The following LHFPL3 variants were observed in gnomAD, a reference collection of about 807,000 sequenced individuals.
LHFPL3 encodes the protein LHFPL tetraspan subfamily member 3.
LHFPL3 carries 5 observed loss-of-function variants against 19.3 expected under a neutral mutation model. That is an observed-to-expected ratio of 0.26 (90% CI 0.14 to 0.54). The LOEUF (loss-of-function observed/expected upper bound fraction) is 0.54, where lower values mean the gene tolerates loss of function less well. Ranked by LOEUF, LHFPL3 falls within the 20% of genes least tolerant of loss-of-function variation. The pLI is 0.94. For synonymous variants in LHFPL3, 133 were observed against 126.2 expected, an observed-to-expected ratio of 1.05 and a Z score of -0.36; for missense variants, 249 against 307.4, an observed-to-expected ratio of 0.81 and a Z score of 1.42.
intron 1 of LHFPL3, among the ~76,000 whole-genome samples, chr7:104,665,933 C>G (rs1158805728): frequency 6.6e-6 from 1 of 152,104 alleles, no homozygotes; most frequent in Non-Finnish European, 1.5e-5. Context: ...TGTTCTCCCC[C>G]TGGGCTTAAA....
intron 1 of LHFPL3, among the ~76,000 whole-genome samples, chr7:104,411,093 C>T (rs1031222000): frequency 5.3e-5 from 8 of 152,104 alleles, no homozygotes; most frequent in African/African-American, 1.2e-4. Context: ...TTTCAGTGAG[C>T]GTATTTTAAT....
chr7:104,639,421 T>A lies in LHFPL3; in HGVS notation c.446-97254T>A, dbSNP rs146366927. On this transcript the variant is annotated intron_variant, in intron 1 of 2. Transcript: ENST00000424859. ...TGTATTTCTGTGGAGTCAGTGGTAA[T>A]GTCCCCTTTGTCATTTCTAATTGTG... Among the ~76,000 whole-genome samples the A allele has an allele frequency of 2.1e-3, 323 of 152,306 alleles. 2 individuals are homozygous for A. The highest frequency in any genetic ancestry group is 7.6e-3 in the African/African-American group (317 of 41,572).
chr7:104,689,465 T>C (rs905613171), intron 1 of LHFPL3, among the ~76,000 whole-genome samples: 2 of 152,122 alleles, frequency 1.3e-5, no homozygotes, highest in African/African-American at 4.8e-5. Flanking sequence ...AAAGACTAAT[T>C]TGAATTATAA....
intron 1 of LHFPL3, among the ~76,000 whole-genome samples, chr7:104,603,118 CTTT>C (rs1562947502): frequency 0.011 from 1,444 of 126,398 alleles, 20 homozygotes; most frequent in African/African-American, 0.041. Context: ...TTCTTTCTTT[CTTT>C]CTTTCTTTCT....
At chr7:104,627,441 T>C (rs1449068729) in intron 1 of LHFPL3, among the ~76,000 whole-genome samples, 3 of 152,222 alleles carry the variant, frequency 2.0e-5, no homozygotes, top group East Asian at 1.9e-4. Context: ...TGAAACAAAC[T>C]GATCTTTCCT....
chr7:104,791,285 A>C (rs886980445), intron 2 of LHFPL3, among the ~76,000 whole-genome samples: 6 of 152,248 alleles, frequency 3.9e-5, no homozygotes, highest in Non-Finnish European at 7.3e-5. Flanking sequence ...CAAAAGGCTG[A>C]GAACAAAGCC....
chr7:104,588,438 A>T (rs1790631559), intron 1 of LHFPL3, among the ~76,000 whole-genome samples: 2 of 152,038 alleles, frequency 1.3e-5, no homozygotes, highest in African/African-American at 4.8e-5. Context: ...GATGTGTGGT[A>T]TTATTTCTGA....
intron 1 of LHFPL3, among the ~76,000 whole-genome samples, chr7:104,655,291 C>G (rs1310591860): frequency 6.6e-6 from 1 of 152,178 alleles, no homozygotes. Flanking sequence ...GCAAGCATAG[C>G]TGGCATCCTA....
intron 1 of LHFPL3, among the ~76,000 whole-genome samples, chr7:104,699,200 A>G (rs1205428296): frequency 6.6e-6 from 1 of 152,258 alleles, no homozygotes; most frequent in Non-Finnish European, 1.5e-5. Context: ...TATGTATCCA[A>G]AAGAAGTGAA....
chr7:104,469,744 G>A (rs903997357), intron 1 of LHFPL3, among the ~76,000 whole-genome samples: 1 of 152,162 alleles, frequency 6.6e-6, no homozygotes, highest in African/African-American at 2.4e-5. Context: ...TGGTTTCTAG[G>A]AGTCCAGGAA....
intron 1 of LHFPL3, among the ~76,000 whole-genome samples, chr7:104,462,869 TG>T (rs1267441167): frequency 6.6e-6 from 1 of 152,158 alleles, no homozygotes; most frequent in East Asian, 1.9e-4. Flanking sequence ...CATGTGGTCC[TG>T]GGGTTTTTTT....
chr7:104,595,203 G>A (rs1334431500), intron 1 of LHFPL3, among the ~76,000 whole-genome samples: 1 of 152,186 alleles, frequency 6.6e-6, no homozygotes, highest in African/African-American at 2.4e-5. Flanking sequence ...TTTGATGTTG[G>A]TGACGTACAG....
At chr7:104,792,939 A>G (rs2116452080) in intron 2 of LHFPL3, among the ~76,000 whole-genome samples, 1 of 152,270 alleles carries the variant, frequency 6.6e-6, no homozygotes, top group African/African-American at 2.4e-5. Context: ...CTTGTCGCCC[A>G]GGCTGGAGTG....
At chr7:104,668,100 G>T in intron 1 of LHFPL3, 4 of 1,613,916 alleles carry the variant, frequency 2.5e-6, no homozygotes, top group Non-Finnish European at 3.4e-6. Context: ...ATTCTTTCGA[G>T]GATTAAATAT....
intron 1 of LHFPL3, among the ~76,000 whole-genome samples, chr7:104,704,647 T>C (rs894218377): frequency 2.6e-5 from 4 of 151,992 alleles, no homozygotes; most frequent in African/African-American, 4.8e-5. Context: ...TTCTTTTTTT[T>C]TTTTTTTTGA....
intron 1 of LHFPL3, among the ~76,000 whole-genome samples, chr7:104,426,547 T>G (rs1791849452): frequency 6.6e-6 from 1 of 152,116 alleles, no homozygotes; most frequent in African/African-American, 2.4e-5. Flanking sequence ...TGAGCCACCA[T>G]GCCTGGCTGG....
intron 1 of LHFPL3, among the ~76,000 whole-genome samples, chr7:104,465,114 A>G (rs36103546): frequency 0.18 from 27,663 of 151,932 alleles, 2,537 homozygotes; most frequent in African/African-American, 0.22. Flanking sequence ...CATAGCAAGA[A>G]TGACCTTTAC....
At position 104,420,670 on chromosome 7, in the gene LHFPL3, C is replaced by T. The variant is rs367648741; in HGVS notation, c.445+91446C>T. 2.2e-3 allele frequency among the ~76,000 whole-genome samples: 325 copies of T among 151,162 alleles called. 1 individual carries two copies. Among genetic ancestry groups the T allele is most frequent in the African/African-American group, 7.4e-3 (307 of 41,224 alleles). On this transcript the variant is annotated intron_variant, in intron 1 of 2. Transcript: ENST00000424859. ...CGCCTCCCGGGTTCACGCCATTCTC[C>T]TGCCTCAGCCTCCTGCGTAGCTGGG...
intron 1 of LHFPL3, among the ~76,000 whole-genome samples, chr7:104,608,888 T>A (rs1368491215): frequency 4.6e-5 from 7 of 152,174 alleles, no homozygotes; most frequent in Non-Finnish European, 1.0e-4. Context: ...ATAGGAATGA[T>A]GTGCATATAA....
Sources: allele counts gnomAD v4.1 joint callset (sites outside exome capture counted in the v4.1 genomes callset), GRCh38; gene constraint gnomAD v4.1.1; transcripts MANE v1.5; gene names NCBI Gene and HGNC (gene_info 2026-07-23, HGNC 2026-07-21).